The following PLPPR3 variants were observed in gnomAD, a reference collection of about 807,000 sequenced individuals.
PLPPR3 encodes the protein phospholipid phosphatase related 3, also known as phospholipid phosphatase-related protein type 3.
PLPPR3 carries 14 observed loss-of-function variants against 27.3 expected under a neutral mutation model. The ratio of observed to expected loss-of-function variants is 0.51; its 90% CI spans 0.34 to 0.80. The LOEUF is 0.80. PLPPR3 is among the 30% of genes least tolerant of loss of function. PLPPR3 has a pLI of 0.01. For synonymous variants in PLPPR3, 671 were observed against 508.0 expected (o/e 1.32, Z -4.32); for missense variants, 1,287 against 1,056.9 (o/e 1.22, Z -3.02).
chr19:821,737 C>A (rs955488104), intron 1 of PLPPR3, 152 bp from the exon 2 acceptor site: 40 of 401,336 alleles, frequency 1.0e-4, no homozygotes, highest in African/African-American at 8.5e-4. Context: ...GCCCAGCACG[C>A]GGCTTCCGGG....
upstream of PLPPR3, among the ~76,000 whole-genome samples, chr19:822,608 G>A (rs2035165629): frequency 1.3e-5 from 2 of 152,294 alleles, no homozygotes; most frequent in Middle Eastern, 3.4e-3. Flanking sequence ...CGGGATTGCG[G>A]GGCGCGGGGC....
chr19:814,039 T>C, intron 7 of PLPPR3, 144 bp from the exon 8 acceptor site: 1 of 785,408 alleles, frequency 1.3e-6, no homozygotes. Context: ...CACCCCAAGG[T>C]TGCTGACCCA....
chr19:817,312 C>A (rs1599261456), intron 2 of PLPPR3, among the ~76,000 whole-genome samples: 4 of 151,598 alleles, frequency 2.6e-5, no homozygotes, highest in African/African-American at 9.7e-5. Context: ...CCCACTCTGT[C>A]ACGCAGCCTG....
intron 7 of PLPPR3, 51 bp downstream of exon 7, chr19:814,383 C>G: frequency 4.6e-6 from 7 of 1,524,594 alleles, no homozygotes; most frequent in South Asian, 1.3e-5. Context: ...TGCCTCCCCC[C>G]TCAGATCCCC....
intron 2 of PLPPR3, among the ~76,000 whole-genome samples, chr19:816,885 CATCT>C (rs1026213709): frequency 2.6e-5 from 4 of 151,746 alleles, no homozygotes; most frequent in Non-Finnish European, 5.9e-5. Context: ...TGCAGCCATC[CATCT>C]ATCCACCCAC....
At position 815,733 on chromosome 19, in the gene PLPPR3, T is replaced by C; in HGVS notation, c.194A>G (p.Glu65Gly). Residue 65 changes from glutamate (E) to glycine (G), a missense_variant, in exon 3 of 8, where the codon GAG (glutamate) becomes GGG (glycine). Physicochemically the swap from Glu to Gly is moderately conservative, Grantham distance 98. Coordinates refer to ENST00000520876, the MANE Select transcript of PLPPR3 (RefSeq NM_001270366.2). ...CAGCGGGATGAGCTCCTCGTTGGTC[T>C]CCACGTAGGGCATGGAGAGAGTGCG... ...YDRTLSMPYVETNEELIPLLM... is the reference protein window; with the variant it reads ...YDRTLSMPYVGTNEELIPLLM... 1 of 1,611,912 alleles carries C rather than the reference T, an allele frequency of 6.2e-7. No homozygotes were observed. Among genetic ancestry groups the C allele is most frequent in the Non-Finnish European group, 8.5e-7 (1 of 1,179,506 alleles).
At chr19:817,216 G>A (rs1334712444) in intron 2 of PLPPR3, among the ~76,000 whole-genome samples, 1 of 151,966 alleles carries the variant, frequency 6.6e-6, no homozygotes, top group Non-Finnish European at 1.5e-5. Flanking sequence ...AGGCTCAAGT[G>A]ATACACCCGC....
chr19:814,921 G>A lies in PLPPR3; in HGVS notation c.564C>T (p.Cys188=). Residue 188 remains cysteine, a synonymous_variant, in exon 5 of 8, where the codon TGC becomes TGT. Coordinates refer to ENST00000520876, the MANE Select transcript of PLPPR3 (RefSeq NM_001270366.2). ...GGATGGCGTGGATGTCGTGGCCGGA[G>A]CAGATGTCCTGCGTGATGTAGGGGT... ...EVNPYITQDI[C]SGHDIHAILS... 6.2e-7 allele frequency: 1 copy of A among 1,611,914 alleles called. No individual in the cohort carries two copies. The highest frequency in any genetic ancestry group is 8.5e-7 in the Non-Finnish European group (1 of 1,179,954).
Position 813,371 on chromosome 19 carries a change from CTCT to C in PLPPR3, c.1353_1355del (p.Glu459del), listed in dbSNP as rs2034979356. ...CGTCCTCCTCCTCTTCCTCCTCCTC[CTCT>C]TCCTCTTCGTCCTCCTCCTCTTCCT... On this transcript the variant is annotated inframe_deletion, in exon 8 of 8. Transcript: ENST00000520876. The surrounding 1 kb of genome is among the most constrained non-coding windows in gnomAD (Gnocchi z 4.1). 6.7e-7 allele frequency: 1 copy of C among 1,494,922 alleles called. No homozygotes were observed. The highest frequency in any genetic ancestry group is 8.8e-7 in the Non-Finnish European group (1 of 1,130,040). 92.6% of individuals were successfully genotyped at this position (1,494,922 alleles called of 1,614,324 possible).
Position 815,340 on chromosome 19 carries a change from A to G in PLPPR3, c.262-13T>C. ...CGGCCACCATGATCTGCCAACAGGG[A>G]GGGGGCGCTCAGGCCTCGGTGCCCA... On this transcript the variant is annotated splice_polypyrimidine_tract_variant and intron_variant, in intron 3 of 7. Transcript: ENST00000520876. 6.5e-7 allele frequency: 1 copy of G among 1,532,694 alleles called. No individual in the cohort carries two copies. The allele number at this position is 1,532,694 out of a possible 1,614,324, so 94.9% of individuals were successfully genotyped here.
chr19:820,105 C>A (rs537161702), intron 2 of PLPPR3, among the ~76,000 whole-genome samples: 1 of 152,118 alleles, frequency 6.6e-6, no homozygotes, highest in East Asian at 1.9e-4. Flanking sequence ...ACCTGGGCCT[C>A]CCAATGTGTT....
At chr19:818,864 G>A (rs1825330694) in intron 2 of PLPPR3, among the ~76,000 whole-genome samples, 1 of 151,614 alleles carries the variant, frequency 6.6e-6, no homozygotes, top group African/African-American at 2.4e-5. Flanking sequence ...ATTAGCTGGG[G>A]CTCAGGCTAG....
At chr19:820,952 G>A (rs2035134343) in intron 2 of PLPPR3, among the ~76,000 whole-genome samples, 2 of 152,334 alleles carry the variant, frequency 1.3e-5, no homozygotes, top group East Asian at 3.9e-4. Context: ...CCACCGCACA[G>A]GGCAAGGGGT....
At chr19:822,731 C>T (rs2145088469), upstream of PLPPR3, among the ~76,000 whole-genome samples, 1 of 152,320 alleles carries the variant, frequency 6.6e-6, no homozygotes, top group Admixed American at 6.5e-5. Flanking sequence ...GGGGTAGGGG[C>T]TGGTTGACCC....
intron 2 of PLPPR3, among the ~76,000 whole-genome samples, chr19:820,601 C>A (rs929137888): frequency 6.6e-6 from 1 of 152,066 alleles, no homozygotes; most frequent in African/African-American, 2.4e-5. Flanking sequence ...CTCACTGCAA[C>A]CTCCACCTCC....
At chr19:823,510 G>A (rs1237962262), upstream of PLPPR3, among the ~76,000 whole-genome samples, 2 of 151,694 alleles carry the variant, frequency 1.3e-5, no homozygotes, top group East Asian at 3.9e-4. Context: ...ACCTTAGTTT[G>A]CTCATAACAG....
In PLPPR3 at chr19:813,646, G is replaced by T; in HGVS notation, c.1081C>A (p.Pro361Thr). ...TTCTCCTTGGCCATGGGGCTGCGCG[G>T]GGCCAGCAGGTCCACGTCCACGCTG... ...RASVDVDLLAPRSPMAKENMV... is the reference protein window; with the variant it reads ...RASVDVDLLATRSPMAKENMV... Residue 361 changes from proline to threonine, a missense_variant, in exon 8 of 8, where the codon CCG (proline) becomes ACG (threonine). Pro to Thr is a conservative substitution (Grantham distance 38, BLOSUM62 -1). Transcript: ENST00000520876. The surrounding 1 kb of genome is among the most constrained non-coding windows in gnomAD (Gnocchi z 4.1). The T allele has an allele frequency of 6.5e-7, 1 of 1,538,366 alleles. No homozygotes were observed. Among genetic ancestry groups the T allele is most frequent in the Non-Finnish European group, 8.7e-7 (1 of 1,145,080 alleles).
rs1306544765 is a variant in PLPPR3, at chr19:812,700, G to T, written c.2027C>A (p.Ala676Glu). Residue 676 changes from alanine to glutamate, a missense_variant, in exon 8 of 8, where the codon GCG becomes GAG. Transcript: ENST00000520876. ...GLPPLGAADG[A>E]LGPGSRESTL... ...GGACTCCCGGCTGCCCGGGCCCAGC[G>T]CCCCATCGGCCGCGCCCAGCGGGGG... The T allele has an allele frequency of 3.8e-6, 4 of 1,050,598 alleles. No individual in the cohort carries two copies. In the African/African-American group the frequency reaches 6.9e-5, roughly 18 times the overall value. The allele number at this position is 1,050,598 out of a possible 1,614,324, so 65.1% of individuals were successfully genotyped here. A position where few individuals can be genotyped will look rare whatever the true frequency, so the allele number is the denominator to read the frequency against.
chr19:822,102 C>T (rs931742289), upstream of PLPPR3: 1 of 151,512 alleles, frequency 6.6e-6, no homozygotes, highest in African/African-American at 2.4e-5. Flanking sequence ...CCGCAGGCCC[C>T]GCGCACCGTC....
Sources: gnomAD v4.1 joint callset for allele counts (sites outside exome capture counted in the v4.1 genomes callset) on GRCh38, gnomAD v4.1.1 for gene constraint, Gnocchi (gnomAD v3.1) non-coding constraint, MANE v1.5 for transcripts, NCBI Gene and HGNC (gene_info 2026-07-23, HGNC 2026-07-21) for gene names.